The following TAF1B variants were observed in gnomAD, a reference collection of about 807,000 sequenced individuals.
The protein encoded by TAF1B is TATA-box binding protein associated factor, RNA polymerase I subunit B.
In TAF1B, 61 loss-of-function variants were observed where a neutral mutation model predicts 83.9. The ratio of observed to expected loss-of-function variants is 0.73; its 90% CI spans 0.59 to 0.90. The LOEUF (loss-of-function observed/expected upper bound fraction) is 0.90, where lower values mean the gene tolerates loss of function less well. TAF1B is among the 40% of genes least tolerant of loss of function. TAF1B has a pLI of 0.00. For missense variants in TAF1B, 625 were observed against 677.0 expected, an observed-to-expected ratio of 0.92 and a Z score of 0.85; for synonymous variants, 221 against 224.6, an observed-to-expected ratio of 0.98 and a Z score of 0.14.
chr2:9,863,176 A>G (rs955112704), intron 5 of TAF1B, among the ~76,000 whole-genome samples: 74 of 152,232 alleles, frequency 4.9e-4, no homozygotes, highest in South Asian at 8.3e-4. Context: ...GTCAAGACCC[A>G]TCAGTGTGCT....
intron 1 of TAF1B, 111 bp downstream of exon 1, chr2:9,843,670 G>T: frequency 4.8e-6 from 6 of 1,243,460 alleles, no homozygotes; most frequent in Non-Finnish European, 6.5e-6. Flanking sequence ...CCACCGGCTG[G>T]AGGAAGGCGG....
At chr2:9,876,139 G>T in intron 7 of TAF1B, 121 bp downstream of exon 7, 1 of 957,694 alleles carries the variant, frequency 1.0e-6, no homozygotes. Flanking sequence ...TGGAAAGGTT[G>T]AGTAGCCTGA....
intron 6 of TAF1B, chr2:9,868,763 G>A (rs1481319171): frequency 6.1e-6 from 3 of 490,888 alleles, no homozygotes; most frequent in Non-Finnish European, 1.2e-5. Context: ...GCAGAAAAAT[G>A]TTATTATGTA....
At chr2:9,901,114 A>G (rs1665166041) in intron 8 of TAF1B, among the ~76,000 whole-genome samples, 1 of 152,202 alleles carries the variant, frequency 6.6e-6, no homozygotes, top group African/African-American at 2.4e-5. Flanking sequence ...CATTCTTTAT[A>G]CTGGTTTAAA....
At chr2:9,889,509 T>G (rs1270181406) in intron 8 of TAF1B, among the ~76,000 whole-genome samples, 1 of 152,196 alleles carries the variant, frequency 6.6e-6, no homozygotes, top group Non-Finnish European at 1.5e-5. Context: ...TTGGCTATAT[T>G]GACAGTATTT....
intron 12 of TAF1B, 134 bp downstream of exon 12, chr2:9,913,383 C>T (rs897700226): frequency 2.6e-5 from 15 of 576,310 alleles, no homozygotes; most frequent in Admixed American, 1.7e-4. Flanking sequence ...TAGCCCTACA[C>T]TCTAATTAAC....
At chr2:9,897,872 A>G (rs403361) in intron 8 of TAF1B, among the ~76,000 whole-genome samples, 139,467 of 152,100 alleles carry the variant, frequency 0.92, 65,109 homozygotes, top group East Asian at 1. Flanking sequence ...GGGAAGTTGA[A>G]GTGAACATAA....
At chr2:9,877,105 A>T (rs1664342746) in intron 7 of TAF1B, among the ~76,000 whole-genome samples, 1 of 152,200 alleles carries the variant, frequency 6.6e-6, no homozygotes, top group African/African-American at 2.4e-5. Flanking sequence ...CTATTAATTT[A>T]AAAACCTGAT....
At chr2:9,878,004 G>C (rs925894429) in intron 7 of TAF1B, among the ~76,000 whole-genome samples, 1 of 152,148 alleles carries the variant, frequency 6.6e-6, no homozygotes, top group African/African-American at 2.4e-5. Context: ...AGAAGAGACT[G>C]TCACCATTGA....
intron 14 of TAF1B, among the ~76,000 whole-genome samples, chr2:9,920,705 A>T (rs1266436968): frequency 6.6e-6 from 1 of 151,994 alleles, no homozygotes; most frequent in East Asian, 1.9e-4. Flanking sequence ...CTGCAGGGAG[A>T]TACTTGGTCA....
At chr2:9,858,820 C>T (rs1663650536) in intron 5 of TAF1B, among the ~76,000 whole-genome samples, 1 of 152,226 alleles carries the variant, frequency 6.6e-6, no homozygotes, top group African/African-American at 2.4e-5. Context: ...GCGCCATATC[C>T]TGAGGCTGCA....
intron 8 of TAF1B, 83 bp from the exon 9 acceptor site, chr2:9,904,776 T>TA: frequency 7.5e-7 from 1 of 1,341,620 alleles, no homozygotes; most frequent in Non-Finnish European, 1.0e-6. Flanking sequence ...TTTTTAATAA[T>TA]AGCCATTCTA....
chr2:9,854,394 A>C lies in TAF1B; in HGVS notation c.372A>C (p.Pro124=), dbSNP rs1663492759. The C allele has an allele frequency of 6.2e-7, 1 of 1,613,912 alleles. No homozygotes were observed. Among genetic ancestry groups the C allele is most frequent in the Admixed American group, 1.7e-5 (1 of 59,996 alleles). Reference sequence around the variant, plus strand: ...GCAAGCAGGCATATTGTAAGAACCCAGTTTATACCACTGGAAGGAAACCTA... The same window carrying C: ...GCAAGCAGGCATATTGTAAGAACCCCGTTTATACCACTGGAAGGAAACCTA... ...QKSKQAYCKN[P]VYTTGRKPTV... The change falls in exon 5 of 15, where the codon CCA becomes CCC. Residue 124 remains proline (P), a synonymous_variant. Transcript: ENST00000263663.
intron 8 of TAF1B, among the ~76,000 whole-genome samples, chr2:9,890,221 C>T (rs1257992718): frequency 6.6e-6 from 1 of 152,184 alleles, no homozygotes; most frequent in Non-Finnish European, 1.5e-5. Flanking sequence ...TTTCTCTTCT[C>T]TAAGGGATTA....
intron 5 of TAF1B, among the ~76,000 whole-genome samples, chr2:9,858,875 C>T (rs1180114022): frequency 6.6e-6 from 1 of 152,188 alleles, no homozygotes; most frequent in African/African-American, 2.4e-5. Context: ...CCATTTTTCC[C>T]TCCTAGGCAT....
rs1016316080 is a variant in TAF1B, at chr2:9,934,112, A to G, written c.*128A>G. The G allele has an allele frequency of 4.1e-6, 3 of 737,982 alleles. No individual in the cohort carries two copies. The highest frequency in any genetic ancestry group is 3.5e-5 in the African/African-American group (2 of 56,362). The allele number at this position is 737,982 out of a possible 1,614,324, so 45.7% of individuals were successfully genotyped here. A position where few individuals can be genotyped will look rare whatever the true frequency, so the allele number is the denominator to read the frequency against. ...TGTATAGACTCTGACACATATTTAC[A>G]TATATATCAAGTGTGCTTAGAAAAA... is the stretch of plus-strand genomic sequence containing the variant. On this transcript the variant is annotated 3_prime_UTR_variant, in exon 15 of 15. Transcript: ENST00000263663.
chr2:9,847,324 T>C (rs1464843104), intron 2 of TAF1B, among the ~76,000 whole-genome samples: 3 of 152,204 alleles, frequency 2.0e-5, no homozygotes, highest in African/African-American at 7.2e-5. Flanking sequence ...GTTGCACAAC[T>C]TCAGTAGTTA....
At chr2:9,924,658 T>C (rs1314938493) in intron 14 of TAF1B, among the ~76,000 whole-genome samples, 2 of 152,252 alleles carry the variant, frequency 1.3e-5, no homozygotes, top group Non-Finnish European at 2.9e-5. Flanking sequence ...GGCTAAAATA[T>C]GCCGAATATG....
chr2:9,921,851 G>A (rs1036124932), intron 14 of TAF1B, among the ~76,000 whole-genome samples: 3 of 152,058 alleles, frequency 2.0e-5, no homozygotes, highest in Non-Finnish European at 2.9e-5. Context: ...TTTTAGTTCC[G>A]TTTTATATAA....
Sources: allele counts gnomAD v4.1 joint callset (sites outside exome capture counted in the v4.1 genomes callset), GRCh38; gene constraint gnomAD v4.1.1; transcripts MANE v1.5; gene names NCBI Gene and HGNC (gene_info 2026-07-23, HGNC 2026-07-21).